COL27A1: variants seen among roughly 807,000 people sequenced by gnomAD.
COL27A1 encodes the protein collagen alpha-1(XXVII) chain.
Under a neutral mutation model 251.3 loss-of-function variants are expected in COL27A1, and 106 were observed. The observed-to-expected ratio is 0.42, with a 90% CI of 0.36 to 0.50. The LOEUF (loss-of-function observed/expected upper bound fraction) is 0.50, where lower values mean the gene tolerates loss of function less well. COL27A1 is among the 20% of genes least tolerant of loss of function. The probability of loss-of-function intolerance (pLI) is 0.00; values close to 1 mark genes in which losing one functional copy is unlikely to be tolerated. For synonymous variants in COL27A1, 1,000 were observed against 986.3 expected (o/e 1.01, Z -0.26); for missense variants, 2,325 against 2,522.8 (o/e 0.92, Z 1.68).
chr9:114,179,587 C>T (rs1190412277), intron 4 of COL27A1, among the ~76,000 whole-genome samples: 7 of 152,222 alleles, frequency 4.6e-5, no homozygotes, highest in Non-Finnish European at 8.8e-5. Flanking sequence ...TCCCCTGTCC[C>T]CTCTGGATGG....
In COL27A1 at chr9:114,286,790, G is replaced by A. The variant is rs1409738161; in HGVS notation, c.3988-1665G>A. 3.3e-5 allele frequency among the ~76,000 whole-genome samples: 5 copies of A among 152,268 alleles called. No individual in the cohort carries two copies. The East Asian group carries it at 5.8e-4, about 18-fold the overall frequency. On this transcript the variant is annotated intron_variant, in intron 41 of 60. Transcript: ENST00000356083. ...CATCCCCAGACTACAGTCACATTGC[G>A]GGGGATCAGTATAGCTGGCTTTGGG...
intron 13 of COL27A1, among the ~76,000 whole-genome samples, chr9:114,221,194 C>T (rs1373982445): frequency 6.6e-6 from 1 of 151,910 alleles, no homozygotes; most frequent in Non-Finnish European, 1.5e-5. Flanking sequence ...CAGAGAGGTC[C>T]CAGGTGCCTC....
intron 10 of COL27A1, among the ~76,000 whole-genome samples, chr9:114,208,286 CA>C (rs1830109094): frequency 6.6e-6 from 1 of 151,988 alleles, no homozygotes; most frequent in Non-Finnish European, 1.5e-5. Context: ...AAAGTAACTA[CA>C]AAAATTAGCT....
intron 26 of COL27A1, 83 bp downstream of exon 26, chr9:114,252,729 C>T (rs946531953): frequency 6.9e-7 from 1 of 1,440,594 alleles, no homozygotes; most frequent in Non-Finnish European, 9.8e-7. Context: ...AACCGCTTAC[C>T]CCAGACGTTC....
chr9:114,156,086 G>A lies in COL27A1; in HGVS notation c.62+74G>A, dbSNP rs1042502743. On this transcript the variant is annotated intron_variant, in intron 1 of 60. Coordinates refer to ENST00000356083, the MANE Select transcript of COL27A1 (RefSeq NM_032888.4). ...ATCTCGGGGAGGGCCGGGGTTCCCC[G>A]CCATGCGGTCGCTTCCAGCGGAACG... is the stretch of plus-strand genomic sequence containing the variant. The A allele has an allele frequency of 1.2e-5, 15 of 1,289,580 alleles. No homozygotes were observed. The African/African-American group carries it at 1.8e-4, about 16-fold the overall frequency. The allele number at this position is 1,289,580 out of a possible 1,614,324, so 79.9% of individuals were successfully genotyped here. A position where few individuals can be genotyped will look rare whatever the true frequency, so the allele number is the denominator to read the frequency against.
chr9:114,167,095 C>T (rs747129067), intron 2 of COL27A1, among the ~76,000 whole-genome samples: 1 of 152,166 alleles, frequency 6.6e-6, no homozygotes, highest in African/African-American at 2.4e-5. Context: ...GCTCTGGTGA[C>T]AGGTCTATTC....
intron 5 of COL27A1, among the ~76,000 whole-genome samples, chr9:114,190,414 G>C (rs865931552): frequency 5.9e-5 from 9 of 152,124 alleles, no homozygotes; most frequent in Non-Finnish European, 5.9e-5. Flanking sequence ...GGGACTACAG[G>C]TGTGCACCAC....
intron 14 of COL27A1, among the ~76,000 whole-genome samples, chr9:114,225,222 G>C (rs1831386274): frequency 6.6e-6 from 1 of 152,200 alleles, no homozygotes; most frequent in Non-Finnish European, 1.5e-5. Context: ...GGCAGGTGAG[G>C]ATGGGGGCCA....
At chr9:114,174,909 C>G (rs1009190916) in intron 3 of COL27A1, among the ~76,000 whole-genome samples, 5 of 152,138 alleles carry the variant, frequency 3.3e-5, no homozygotes, top group African/African-American at 1.2e-4. Context: ...CTATCTACCC[C>G]CAACAGGTTA....
rs375966426 is a variant in COL27A1 at position 114,290,266 on chromosome 9, C to G, written c.4303C>G (p.Gln1435Glu). Residue 1435 changes from glutamine (Q) to glutamate (E), a missense_variant, in exon 47 of 61, where the codon CAG (glutamine) becomes GAG (glutamate). Coordinates refer to ENST00000356083, the MANE Select transcript of COL27A1 (RefSeq NM_032888.4). The surrounding 1 kb of genome is among the most constrained non-coding windows in gnomAD (Gnocchi z 4.6). ...LPGPRGVVGR[Q>E]GLEGIAGPDG... ...AGGGCCCCGGGGCGTGGTGGGGAGA[C>G]AGGGCCTCGAGGGCATCGCTGGACC... 1.4e-5 allele frequency: 22 copies of G among 1,578,586 alleles called. No homozygotes were observed. The highest frequency in any genetic ancestry group is 1.9e-5 in the Non-Finnish European group (22 of 1,162,308).
In COL27A1 at chr9:114,203,514, C is replaced by T. The variant is rs114805679; in HGVS notation, c.2125-1588C>T. Among the ~76,000 whole-genome samples, 626 of 152,198 alleles carry T rather than the reference C, an allele frequency of 4.1e-3. 4 individuals carry two copies. The highest frequency in any genetic ancestry group is 0.014 in the African/African-American group (584 of 41,502). On this transcript the variant is annotated intron_variant, in intron 7 of 60. Coordinates refer to ENST00000356083, the MANE Select transcript of COL27A1 (RefSeq NM_032888.4). ...GTCTGAAACAAGAGGTTGTATGCCC[C>T]GGTTTGCCCACTGGGGAAAAGAGTA...
chr9:114,291,650 G>A (rs1476915980), intron 48 of COL27A1, among the ~76,000 whole-genome samples: 1 of 152,326 alleles, frequency 6.6e-6, no homozygotes, highest in East Asian at 1.9e-4. Flanking sequence ...TCGGGAGGCC[G>A]AGGCAGGAGA....
At chr9:114,230,378 G>A (rs753152158) in intron 14 of COL27A1, among the ~76,000 whole-genome samples, 6 of 152,050 alleles carry the variant, frequency 3.9e-5, no homozygotes, top group Admixed American at 6.5e-5. Flanking sequence ...CAGGAGGGGC[G>A]TCATGGGGAC....
rs1296923981 is a variant in COL27A1 at position 114,292,195 on chromosome 9, G to A, written c.4569G>A (p.Gly1523=). The A allele has an allele frequency of 1.3e-6, 2 of 1,555,196 alleles. No homozygotes were observed. Among genetic ancestry groups the A allele is most frequent in the Non-Finnish European group, 1.7e-6 (2 of 1,149,296 alleles). Residue 1523 remains glycine, a synonymous_variant, in exon 49 of 61, where the codon GGG becomes GGA. Coordinates refer to ENST00000356083, the MANE Select transcript of COL27A1 (RefSeq NM_032888.4). ...TGLPGNQGEP[G]SKGQPGDSGE... is the part of the protein sequence containing the mutation. ...TCCCTGGAAACCAGGGGGAGCCTGGGTCCAAAGGCCAGCCGGTGAGTGAGC... is the reference window on the plus strand; with the variant it reads ...TCCCTGGAAACCAGGGGGAGCCTGGATCCAAAGGCCAGCCGGTGAGTGAGC...
At position 114,310,647 on chromosome 9, in the gene COL27A1, A is replaced by G. The variant is rs2131705485; in HGVS notation, c.5535A>G (p.Ser1845=). Residue 1845 remains serine, a synonymous_variant, in exon 61 of 61, where the codon TCA becomes TCG. Coordinates refer to ENST00000356083, the MANE Select transcript of COL27A1 (RefSeq NM_032888.4). ...IISVDNLPPA[S]SGKQYRLEVG... ...GTGTGGACAACCTCCCTCCTGCCTC[A>G]TCAGGGAAGCAGTACCGCCTGGAAG... 1.2e-6 allele frequency: 2 copies of G among 1,614,132 alleles called. No individual in the cohort carries two copies. Among genetic ancestry groups the G allele is most frequent in the Non-Finnish European group, 1.7e-6 (2 of 1,180,020 alleles).
chr9:114,282,335 G>T lies in COL27A1; in HGVS notation c.3771+5G>T. The T allele has an allele frequency of 6.2e-7, 1 of 1,614,008 alleles. No homozygotes were observed. The highest frequency in any genetic ancestry group is 8.5e-7 in the Non-Finnish European group (1 of 1,180,008). On this transcript the variant is annotated splice_donor_5th_base_variant and intron_variant, in intron 38 of 60. Coordinates refer to ENST00000356083, the MANE Select transcript of COL27A1 (RefSeq NM_032888.4). Reference sequence around the variant, plus strand: ...AAGGGCCGCACTGGAGCCAAGGTAGGTGTCCCCTTCTGACTTGATAGGCCT... The same window carrying T: ...AAGGGCCGCACTGGAGCCAAGGTAGTTGTCCCCTTCTGACTTGATAGGCCT...
chr9:114,283,697 C>T lies in COL27A1; in HGVS notation c.3880-12C>T, dbSNP rs769854152. 4 of 1,613,834 alleles carry T rather than the reference C, an allele frequency of 2.5e-6. No homozygotes were observed. In the East Asian group the frequency reaches 8.9e-5, roughly 36 times the overall value. On this transcript the variant is annotated splice_polypyrimidine_tract_variant and intron_variant, in intron 39 of 60. Transcript: ENST00000356083. ...CACACTCCATACCAACGAGGGTCTC[C>T]TCCTCTTGTAGGGTGCTCCGGGACG...
At chr9:114,165,136 G>T (rs78693439) in intron 2 of COL27A1, among the ~76,000 whole-genome samples, 2,463 of 152,236 alleles carry the variant, frequency 0.016, 77 homozygotes, top group African/African-American at 0.055. Flanking sequence ...GCACTTTATA[G>T]CCCTGTTTTA....
rs751681660 is a variant in COL27A1, at chr9:114,306,539, G to T, written c.4958G>T (p.Arg1653Leu). ...LRPESYSYPD[R>L]LVLDQGGEIF... ...TGACAGAGTTACAGCTATCCAGACCGGCTGGTGCTGGACCAGGGAGGAGAG... is the reference window on the plus strand; with the variant it reads ...TGACAGAGTTACAGCTATCCAGACCTGCTGGTGCTGGACCAGGGAGGAGAG... Residue 1653 changes from arginine (R) to leucine (L), a missense_variant, in exon 58 of 61, where the codon CGG becomes CTG. This residue lies in a region of COL27A1 where 327 missense variants were observed against 442.8 expected (regional missense o/e 0.74). Coordinates refer to ENST00000356083, the MANE Select transcript of COL27A1 (RefSeq NM_032888.4). The T allele has an allele frequency of 1.6e-5, 26 of 1,613,902 alleles. No individual in the cohort carries two copies. In the Admixed American group the frequency reaches 4.3e-4, roughly 27 times the overall value.
Sources: allele counts gnomAD v4.1 joint callset (sites outside exome capture counted in the v4.1 genomes callset), GRCh38; gene constraint gnomAD v4.1.1; regional missense constraint gnomAD v4.1.1; non-coding constraint Gnocchi (gnomAD v3.1); transcripts MANE v1.5; gene names NCBI Gene and HGNC (gene_info 2026-07-23, HGNC 2026-07-21).